DAB1: variants seen among roughly 807,000 people sequenced by gnomAD.
DAB1 encodes DAB adaptor protein 1.
A neutral mutation model predicts 64.6 loss-of-function variants in DAB1; 15 were observed. The observed-to-expected ratio is 0.23, with a 90% CI of 0.16 to 0.36. The LOEUF is 0.36. Among genes scored for constraint, DAB1 ranks in the 10% least tolerant of loss-of-function variants. The probability of loss-of-function intolerance (pLI) is 1.00; values close to 1 mark genes in which losing one functional copy is unlikely to be tolerated. For synonymous variants in DAB1, 235 were observed against 251.9 expected (o/e 0.93, Z 0.64); for missense variants, 596 against 706.7 (o/e 0.84, Z 1.78).
At chr1:57,612,230 CGT>C (rs1379248234) in intron 7 of DAB1, among the ~76,000 whole-genome samples, 3 of 146,384 alleles carry the variant, frequency 2.0e-5, no homozygotes, top group Middle Eastern at 3.5e-3. Context: ...CATGTGTGTG[CGT>C]GTGTGTGTGT....
chr1:57,764,163 G>A (rs1275310557), intron 6 of DAB1, among the ~76,000 whole-genome samples: 1 of 152,174 alleles, frequency 6.6e-6, no homozygotes, highest in African/African-American at 2.4e-5. Context: ...GCTCAAAGAA[G>A]GCAATCAGTC....
intron 7 of DAB1, among the ~76,000 whole-genome samples, chr1:57,535,586 C>T (rs1485387673): frequency 1.3e-5 from 2 of 151,792 alleles, no homozygotes; most frequent in African/African-American, 4.8e-5. Flanking sequence ...CCTCAGCCTC[C>T]TGAGTAGCTG....
intron 2 of DAB1, among the ~76,000 whole-genome samples, chr1:57,222,739 A>G (rs1363289921): frequency 6.6e-6 from 1 of 152,190 alleles, no homozygotes; most frequent in Non-Finnish European, 1.5e-5. Flanking sequence ...CCATTGTCAT[A>G]GGGATAGGTA....
chr1:58,428,126 T>C (rs530640937), intron 3 of DAB1, among the ~76,000 whole-genome samples: 1 of 152,354 alleles, frequency 6.6e-6, no homozygotes, highest in East Asian at 1.9e-4. Flanking sequence ...AGTATTCTGA[T>C]AAATTAAGAA....
At chr1:57,652,795 A>G (rs1347009984) in intron 6 of DAB1, among the ~76,000 whole-genome samples, 1 of 152,206 alleles carries the variant, frequency 6.6e-6, no homozygotes, top group Admixed American at 6.5e-5. Flanking sequence ...TTTAAATAAG[A>G]GAAAATTGAT....
At chr1:57,523,381 C>T (rs1644553474) in intron 7 of DAB1, among the ~76,000 whole-genome samples, 1 of 152,180 alleles carries the variant, frequency 6.6e-6, no homozygotes, top group Admixed American at 6.5e-5. Flanking sequence ...ATAAGCTTCT[C>T]TCTGCTCCCA....
At chr1:57,898,675 T>C (rs1033643675) in intron 5 of DAB1, among the ~76,000 whole-genome samples, 2 of 152,216 alleles carry the variant, frequency 1.3e-5, no homozygotes, top group Non-Finnish European at 2.9e-5. Context: ...TCTCAGCTTA[T>C]GATCCCTGTT....
intron 1 of DAB1, among the ~76,000 whole-genome samples, chr1:57,383,900 C>T (rs770704849): frequency 6.6e-5 from 10 of 151,974 alleles, no homozygotes; most frequent in Non-Finnish European, 1.2e-4. Flanking sequence ...AGTAAAAATG[C>T]GTAAATCACA....
At chr1:57,677,895 G>A (rs1164231682) in intron 6 of DAB1, among the ~76,000 whole-genome samples, 1 of 152,116 alleles carries the variant, frequency 6.6e-6, no homozygotes, top group Admixed American at 6.6e-5. Context: ...ATTTGTCCAC[G>A]GGTATCATTT....
intron 5 of DAB1, among the ~76,000 whole-genome samples, chr1:58,054,155 C>G (rs1346510325): frequency 6.6e-6 from 1 of 152,226 alleles, no homozygotes; most frequent in African/African-American, 2.4e-5. Flanking sequence ...GACGCTAAGT[C>G]TTAGAGTTTC....
intron 2 of DAB1, among the ~76,000 whole-genome samples, chr1:57,236,386 T>C (rs1051260948): frequency 1.6e-4 from 25 of 152,164 alleles, no homozygotes; most frequent in African/African-American, 5.8e-4. Context: ...TGAAAAGCGC[T>C]ACAGGAGAGT....
chr1:57,683,486 A>G (rs1646660791), intron 6 of DAB1, among the ~76,000 whole-genome samples: 1 of 152,180 alleles, frequency 6.6e-6, no homozygotes, highest in Non-Finnish European at 1.5e-5. Flanking sequence ...ACTACTCTTA[A>G]GCTTCACCTA....
intron 4 of DAB1, among the ~76,000 whole-genome samples, chr1:58,238,035 C>T (rs990492099): frequency 2.6e-5 from 4 of 152,186 alleles, no homozygotes; most frequent in African/African-American, 9.7e-5. Flanking sequence ...CAAGTTCTAA[C>T]TTCAAAGCCC....
chr1:57,014,169 A>C (rs1431023609), intron 12 of DAB1, among the ~76,000 whole-genome samples: 2 of 152,238 alleles, frequency 1.3e-5, no homozygotes, highest in African/African-American at 4.8e-5. Context: ...GAGGAAACCA[A>C]GGCTCATAGA....
At chr1:58,155,542 C>T (rs1655177242) in intron 4 of DAB1, among the ~76,000 whole-genome samples, 1 of 152,174 alleles carries the variant, frequency 6.6e-6, no homozygotes, top group Non-Finnish European at 1.5e-5. Context: ...CTCTAGCACC[C>T]CCTATTGGCA....
chr1:58,197,703 C>CT (rs3053698), intron 4 of DAB1, among the ~76,000 whole-genome samples: 42,078 of 139,866 alleles, frequency 0.3, 6,932 homozygotes, highest in African/African-American at 0.42. Flanking sequence ...GAGAGTTACA[C>CT]TTTTTTTTTT....
rs907400100 is a variant in DAB1 at position 58,016,009 on chromosome 1, G to T, written n.388-131847C>A. 4.6e-5 allele frequency among the ~76,000 whole-genome samples: 7 copies of T among 151,830 alleles called. No homozygotes were observed. In the South Asian group the frequency reaches 1.5e-3, roughly 32 times the overall value. On this transcript the variant is annotated intron_variant and non_coding_transcript_variant, in intron 5 of 20. Transcript: ENST00000485760. ...GATGAAGGGACACAAACAGCCTAGGGGGGGGTAGTTGAGATACTGAAGATG... is the reference window on the plus strand; with the variant it reads ...GATGAAGGGACACAAACAGCCTAGGTGGGGGTAGTTGAGATACTGAAGATG...
intron 3 of DAB1, among the ~76,000 whole-genome samples, chr1:58,447,283 G>T (rs1179391644): frequency 6.6e-6 from 1 of 152,224 alleles, no homozygotes; most frequent in East Asian, 1.9e-4. Flanking sequence ...AAATAATGGC[G>T]CATTTCAAAG....
intron 7 of DAB1, among the ~76,000 whole-genome samples, chr1:57,580,793 C>G (rs1405513358): frequency 6.6e-6 from 1 of 152,186 alleles, no homozygotes; most frequent in African/African-American, 2.4e-5. Context: ...TCATAATAAT[C>G]TTATAATTTG....
Sources: allele counts gnomAD v4.1 joint callset (sites outside exome capture counted in the v4.1 genomes callset), GRCh38; gene constraint gnomAD v4.1.1; transcripts MANE v1.5; gene names NCBI Gene and HGNC (gene_info 2026-07-23, HGNC 2026-07-21).